NIPA1: variants seen among roughly 807,000 people sequenced by gnomAD.
NIPA1 encodes the protein NIPA magnesium transporter 1.
A neutral mutation model predicts 23.9 loss-of-function variants in NIPA1; 13 were observed. The ratio of observed to expected loss-of-function variants is 0.54; its 90% CI spans 0.35 to 0.87. The LOEUF is 0.87. Ranked by LOEUF, NIPA1 falls within the 40% of genes least tolerant of loss-of-function variation. The probability of loss-of-function intolerance (pLI) is 0.01; values close to 1 mark genes in which losing one functional copy is unlikely to be tolerated. For synonymous variants in NIPA1, 234 were observed against 202.9 expected (o/e 1.15, Z -1.30); for missense variants, 362 against 429.7 (o/e 0.84, Z 1.39).
At chr15:22,806,033 C>T (rs1276800373) in intron 1 of NIPA1, among the ~76,000 whole-genome samples, 1 of 152,142 alleles carries the variant, frequency 6.6e-6, no homozygotes, top group Non-Finnish European at 1.5e-5. Context: ...ACACCATTCT[C>T]CTGCCTCAGC....
chr15:22,787,892 T>C (rs1894743771), intron 1 of NIPA1, among the ~76,000 whole-genome samples: 2 of 152,132 alleles, frequency 1.3e-5, no homozygotes, highest in Non-Finnish European at 2.9e-5. Context: ...CGAATGAAAA[T>C]ATAAAATCAT....
rs567178813 is a variant in NIPA1 at position 22,824,535 on chromosome 15, A to G, written c.*296A>G. ...CATGAATATTCTCTTCTTTTAAAAC[A>G]TTTTAACATTATTTAAACAGAAAAA... On this transcript the variant is annotated 3_prime_UTR_variant, in exon 5 of 5. Coordinates refer to ENST00000337435, the MANE Select transcript of NIPA1 (RefSeq NM_144599.5). The surrounding 1 kb of genome is among the most constrained non-coding windows in gnomAD (Gnocchi z 4.1). 5 of 390,742 alleles carry G rather than the reference A, an allele frequency of 1.3e-5. No individual in the cohort carries two copies. The East Asian group carries it at 2.7e-4, about 21-fold the overall frequency. The allele number at this position is 390,742 out of a possible 1,614,324, so 24.2% of individuals were successfully genotyped here. A position where few individuals can be genotyped will look rare whatever the true frequency, so the allele number is the denominator to read the frequency against.
chr15:22,823,961 G>C lies in NIPA1; in HGVS notation c.712G>C (p.Gly238Arg), dbSNP rs771984383. The C allele has an allele frequency of 1.9e-6, 3 of 1,614,180 alleles. No homozygotes were observed. The highest frequency in any genetic ancestry group is 2.5e-6 in the Non-Finnish European group (3 of 1,180,044). Residue 238 changes from glycine (G) to arginine (R), a missense_variant, in exon 5 of 5, where the codon GGC becomes CGC. Physicochemically the swap from Gly to Arg is moderately radical, Grantham distance 125. Coordinates refer to ENST00000337435, the MANE Select transcript of NIPA1 (RefSeq NM_144599.5). ...CLCLVLLAVL[G>R]CSIIVQFRYI... ...GTGCCTGGTACTCCTGGCCGTGCTCGGCTGCAGCATCATCGTCCAGTTCAG... is the reference window on the plus strand; with the variant it reads ...GTGCCTGGTACTCCTGGCCGTGCTCCGCTGCAGCATCATCGTCCAGTTCAG...
chr15:22,802,112 G>C (rs1471376773), intron 1 of NIPA1, among the ~76,000 whole-genome samples: 1 of 151,970 alleles, frequency 6.6e-6, no homozygotes, highest in Non-Finnish European at 1.5e-5. Context: ...AAAAATTAAG[G>C]GTCGGGCACG....
intron 3 of NIPA1, among the ~76,000 whole-genome samples, chr15:22,818,561 C>T (rs1039851637): frequency 4.0e-5 from 6 of 151,610 alleles, no homozygotes; most frequent in Non-Finnish European, 8.8e-5. Context: ...CTTTGGGAGG[C>T]GAGGCGGGTG....
At chr15:22,812,029 C>T in intron 2 of NIPA1, 134 bp from the exon 3 acceptor site, 1 of 740,028 alleles carries the variant, frequency 1.4e-6, no homozygotes, top group Non-Finnish European at 2.4e-6. Flanking sequence ...CAGATGACAC[C>T]CCAGATGTGA....
rs1895646977 is a variant in NIPA1 at position 22,826,142 on chromosome 15, G to A, written c.*1903G>A. On this transcript the variant is annotated 3_prime_UTR_variant, in exon 5 of 5. Transcript: ENST00000337435. ...AAGTCTCAAGGAATAGCTTCCTAAA[G>A]TGTTGAGTAAAGAGGCTAAATAAAA... 1 of 152,062 alleles carries A rather than the reference G, an allele frequency of 6.6e-6. No homozygotes were observed. The highest frequency in any genetic ancestry group is 2.4e-5 in the African/African-American group (1 of 41,328). 9.4% of individuals were successfully genotyped at this position (152,062 alleles called of 1,614,324 possible).
rs7181789 is a variant in NIPA1 at position 22,829,172 on chromosome 15, C to T, written c.*4933C>T. The T allele has an allele frequency of 0.57, 86,812 of 152,076 alleles. 24,932 individuals are homozygous for T. Among genetic ancestry groups the T allele is most frequent in the South Asian group, 0.6 (2,896 of 4,826 alleles). 9.4% of individuals were successfully genotyped at this position (152,076 alleles called of 1,614,324 possible). ...AAAGCCGCACAGAAAGATCACCTTC[C>T]GATGGTGTGATGTGCTCCTGACATT... is the stretch of plus-strand genomic sequence containing the variant. On this transcript the variant is annotated 3_prime_UTR_variant, in exon 5 of 5. Coordinates refer to ENST00000337435, the MANE Select transcript of NIPA1 (RefSeq NM_144599.5).
chr15:22,802,373 C>T (rs1187901646), intron 1 of NIPA1, among the ~76,000 whole-genome samples: 1 of 126,888 alleles, frequency 7.9e-6, no homozygotes, highest in African/African-American at 3.2e-5. Flanking sequence ...ACCTGGGCGA[C>T]AGAGTGAGAC....
chr15:22,811,949 G>A (rs1895325597), intron 2 of NIPA1, among the ~76,000 whole-genome samples: 1 of 152,214 alleles, frequency 6.6e-6, no homozygotes, highest in East Asian at 1.9e-4. Flanking sequence ...TCCATGGAGG[G>A]CTGAACCTAC....
At chr15:22,795,099 C>T (rs904151175) in intron 1 of NIPA1, among the ~76,000 whole-genome samples, 1 of 152,010 alleles carries the variant, frequency 6.6e-6, no homozygotes, top group Admixed American at 6.6e-5. Flanking sequence ...TCAGGTGCCT[C>T]GGAGCTGACC....
chr15:22,814,361 C>T (rs555626045), intron 3 of NIPA1, among the ~76,000 whole-genome samples: 2 of 151,748 alleles, frequency 1.3e-5, no homozygotes, highest in African/African-American at 4.8e-5. Flanking sequence ...GGGTTCATGC[C>T]CGGCTAATTT....
chr15:22,819,134 CTAGGGACAAGGATGTGAAGTGGTACAA>C (rs2140874148), intron 3 of NIPA1, among the ~76,000 whole-genome samples: 1 of 152,220 alleles, frequency 6.6e-6, no homozygotes, highest in South Asian at 2.1e-4. Flanking sequence ...AACAGGCTGT[CTAGGGACAAGGATGTGAAGTGGTACAA>C]GGGAAAAGTA....
chr15:22,809,737 TC>T (rs1895281731), intron 1 of NIPA1, among the ~76,000 whole-genome samples: 1 of 124,932 alleles, frequency 8.0e-6, no homozygotes, highest in Non-Finnish European at 1.6e-5. Flanking sequence ...AGAGTGAGAC[TC>T]TGTCTGAAAA....
chr15:22,829,191 TGACA>T lies in NIPA1; in HGVS notation c.*4953_*4956del, dbSNP rs1168251156. ...ACCTTCCGATGGTGTGATGTGCTCC[TGACA>T]TTCGGCCGAGGTCTGTATTCTGAAA... On this transcript the variant is annotated 3_prime_UTR_variant, in exon 5 of 5. Transcript: ENST00000337435. 6.6e-6 allele frequency: 1 copy of T among 152,226 alleles called. No homozygotes were observed. The highest frequency in any genetic ancestry group is 1.5e-5 in the Non-Finnish European group (1 of 68,036). 9.4% of individuals were successfully genotyped at this position (152,226 alleles called of 1,614,324 possible).
chr15:22,813,522 T>C (rs1266606969), intron 3 of NIPA1: 2 of 416,068 alleles, frequency 4.8e-6, no homozygotes, highest in Non-Finnish European at 9.5e-6. Context: ...GTGAACCTAT[T>C]TATATTCTGA....
Sources: allele counts gnomAD v4.1 joint callset (sites outside exome capture counted in the v4.1 genomes callset), GRCh38; gene constraint gnomAD v4.1.1; non-coding constraint Gnocchi (gnomAD v3.1); transcripts MANE v1.5; gene names NCBI Gene and HGNC (gene_info 2026-07-23, HGNC 2026-07-21).